DPYD: variants seen among roughly 807,000 people sequenced by gnomAD.
The protein encoded by DPYD is dihydropyrimidine dehydrogenase, also known as dihydropyrimidine dehydrogenase [NADP(+)].
DPYD carries 109 observed loss-of-function variants against 116.2 expected under a neutral mutation model. The observed-to-expected ratio is 0.94, with a 90% CI of 0.80 to 1.10. The LOEUF (loss-of-function observed/expected upper bound fraction) is 1.10, where lower values mean the gene tolerates loss of function less well. DPYD is among the 50% of genes least tolerant of loss of function. The pLI is 0.00. For missense variants in DPYD, 1,302 were observed against 1,254.5 expected, an observed-to-expected ratio of 1.04 and a Z score of -0.57; for synonymous variants, 440 against 432.0, an observed-to-expected ratio of 1.02 and a Z score of -0.23.
intron 2 of DPYD, among the ~76,000 whole-genome samples, chr1:97,843,471 C>A (rs1054483007): frequency 6.6e-6 from 1 of 152,270 alleles, no homozygotes; most frequent in East Asian, 1.9e-4. Context: ...CCAAAGCCAT[C>A]ATCTATGGAG....
intron 1 of DPYD, among the ~76,000 whole-genome samples, chr1:97,892,981 T>C (rs911577884): frequency 3.3e-5 from 5 of 151,804 alleles, no homozygotes; most frequent in Admixed American, 2.6e-4. Flanking sequence ...TGATTAGTAA[T>C]AGTACTTACC....
At chr1:97,520,679 T>C (rs1476503618) in intron 12 of DPYD, among the ~76,000 whole-genome samples, 5 of 150,668 alleles carry the variant, frequency 3.3e-5, no homozygotes, top group Admixed American at 1.3e-4. Context: ...CCTGTGTCCA[T>C]GTGTTCTCAT....
At chr1:97,329,745 T>G (rs1036405836) in intron 16 of DPYD, among the ~76,000 whole-genome samples, 8 of 126,402 alleles carry the variant, frequency 6.3e-5, no homozygotes, top group Non-Finnish European at 1.0e-4. Context: ...AGAGTGAAAC[T>G]CCATCTTAAA....
At chr1:97,606,101 C>G (rs1185675923) in intron 8 of DPYD, among the ~76,000 whole-genome samples, 1 of 152,112 alleles carries the variant, frequency 6.6e-6, no homozygotes, top group African/African-American at 2.4e-5. Context: ...TCATATTCAA[C>G]TTTTGGATCT....
In DPYD at chr1:97,910,376, CAA is replaced by C. The variant is rs565227153; in HGVS notation, c.39+10506_39+10507del. On this transcript the variant is annotated intron_variant, in intron 1 of 22. Coordinates refer to ENST00000370192, the MANE Select transcript of DPYD (RefSeq NM_000110.4). ...AAAGAAGACTAAAATAACATATTGT[CAA>C]AGAGATAAATCACTGAAGTCAAACA... Among the ~76,000 whole-genome samples the C allele has an allele frequency of 1.1e-4, 17 of 152,034 alleles. No individual in the cohort carries two copies. The South Asian group carries it at 3.1e-3, about 28-fold the overall frequency.
intron 8 of DPYD, among the ~76,000 whole-genome samples, chr1:97,674,981 C>G (rs1282760892): frequency 6.6e-6 from 1 of 152,146 alleles, no homozygotes; most frequent in Non-Finnish European, 1.5e-5. Flanking sequence ...CAAACTTTAA[C>G]TAGAGCCATA....
At chr1:97,706,651 T>A (rs1477480389) in intron 5 of DPYD, among the ~76,000 whole-genome samples, 1 of 152,092 alleles carries the variant, frequency 6.6e-6, no homozygotes, top group Non-Finnish European at 1.5e-5. Flanking sequence ...TTTCATTTAG[T>A]AACATATATT....
chr1:97,627,183 AT>A (rs1408963751), intron 8 of DPYD, among the ~76,000 whole-genome samples: 1 of 152,022 alleles, frequency 6.6e-6, no homozygotes, highest in Non-Finnish European at 1.5e-5. Context: ...GGATTTCAAC[AT>A]ACACATTTAG....
intron 10 of DPYD, 125 bp from the exon 11 acceptor site, chr1:97,574,095 AC>A (rs1481054969): frequency 8.8e-6 from 13 of 1,476,106 alleles, no homozygotes; most frequent in Non-Finnish European, 1.2e-5. Context: ...TTTTTCTTTC[AC>A]CAAACCTGAG....
At chr1:97,155,576 G>A (rs550961800) in intron 20 of DPYD, among the ~76,000 whole-genome samples, 5 of 152,104 alleles carry the variant, frequency 3.3e-5, no homozygotes, top group Non-Finnish European at 7.4e-5. Context: ...TTTCATCCCA[G>A]CCCTAGGTCT....
chr1:97,583,242 T>C (rs1231195123), intron 10 of DPYD, among the ~76,000 whole-genome samples: 2 of 152,210 alleles, frequency 1.3e-5, no homozygotes, highest in Non-Finnish European at 2.9e-5. Flanking sequence ...GTGCTGGGAT[T>C]ACAGGCGTGA....
At chr1:97,431,789 A>T (rs922238411) in intron 14 of DPYD, among the ~76,000 whole-genome samples, 1 of 152,102 alleles carries the variant, frequency 6.6e-6, no homozygotes, top group African/African-American at 2.4e-5. Flanking sequence ...ATTACTGAAC[A>T]CTAGTTCTTA....
At chr1:97,591,292 C>G (rs1654500489) in intron 10 of DPYD, among the ~76,000 whole-genome samples, 1 of 152,136 alleles carries the variant, frequency 6.6e-6, no homozygotes, top group Non-Finnish European at 1.5e-5. Flanking sequence ...CTCCACAGTT[C>G]TAATTACTTT....
intron 8 of DPYD, among the ~76,000 whole-genome samples, chr1:97,611,375 T>C (rs1432819881): frequency 6.6e-6 from 1 of 151,802 alleles, no homozygotes; most frequent in Non-Finnish European, 1.5e-5. Flanking sequence ...AAGATGAGAG[T>C]TGGGTGGGGA....
chr1:97,597,918 G>A (rs570890602), intron 8 of DPYD, among the ~76,000 whole-genome samples: 1 of 152,056 alleles, frequency 6.6e-6, no homozygotes, highest in South Asian at 2.1e-4. Context: ...TAAAAACAGA[G>A]ATAAAAATTC....
intron 3 of DPYD, among the ~76,000 whole-genome samples, chr1:97,825,169 A>T (rs1464946838): frequency 2.0e-5 from 3 of 152,106 alleles, no homozygotes; most frequent in Non-Finnish European, 2.9e-5. Context: ...GGCATCCTCA[A>T]GACTGGGATC....
chr1:97,305,698 G>A (rs1314905723), intron 17 of DPYD, among the ~76,000 whole-genome samples: 2 of 151,924 alleles, frequency 1.3e-5, no homozygotes, highest in Non-Finnish European at 2.9e-5. Flanking sequence ...TGGAACACAA[G>A]CACGCATGAT....
Position 97,883,335 on chromosome 1 carries a change from T to C in DPYD, c.79A>G (p.Thr27Ala). The C allele has an allele frequency of 1.2e-6, 2 of 1,612,722 alleles. No individual in the cohort carries two copies. Among genetic ancestry groups the C allele is most frequent in the Non-Finnish European group, 1.7e-6 (2 of 1,179,028 alleles). The change falls in exon 2 of 23, where the codon ACT becomes GCT. Residue 27 changes from threonine to alanine, a missense_variant. Physicochemically the swap from Thr to Ala is moderately conservative, Grantham distance 58. Coordinates refer to ENST00000370192, the MANE Select transcript of DPYD (RefSeq NM_000110.4). ...ALNPRTQTHA[T>A]LCSTSAKKLD... ...TTCTTGGCCGAAGTGGAACACAGAG[T>C]TGCATGAGTTTGTGTTCGAGGATTT...
chr1:97,865,834 T>A (rs528880478), intron 2 of DPYD, among the ~76,000 whole-genome samples: 28 of 151,964 alleles, frequency 1.8e-4, no homozygotes, highest in African/African-American at 6.8e-4. Context: ...AGTACCTAAA[T>A]GAATTGAAAA....
Sources: gnomAD v4.1 joint callset for allele counts (sites outside exome capture counted in the v4.1 genomes callset) on GRCh38, gnomAD v4.1.1 for gene constraint, MANE v1.5 for transcripts, NCBI Gene and HGNC (gene_info 2026-07-23, HGNC 2026-07-21) for gene names.